CADPS: variants seen among roughly 807,000 people sequenced by gnomAD.
CADPS encodes calcium dependent secretion activator.
In CADPS, 57 loss-of-function variants were observed where a neutral mutation model predicts 167.3. The observed-to-expected ratio is 0.34, with a 90% CI of 0.28 to 0.42. CADPS has a LOEUF of 0.42. Ranked by LOEUF, CADPS falls within the 20% of genes least tolerant of loss-of-function variation. The pLI, the probability that CADPS is intolerant of heterozygous loss-of-function variation, is 1.00. For synonymous variants in CADPS, 676 were observed against 635.3 expected (o/e 1.06, Z -0.96); for missense variants, 1,414 against 1,738.1 (o/e 0.81, Z 3.32).
intron 6 of CADPS, among the ~76,000 whole-genome samples, chr3:62,615,343 A>G (rs2062093042): frequency 6.6e-6 from 1 of 152,162 alleles, no homozygotes; most frequent in Non-Finnish European, 1.5e-5. Flanking sequence ...AAGGGTTACT[A>G]CAAGAGTGAC....
At chr3:62,870,220 TG>T (rs1264282712) in intron 1 of CADPS, among the ~76,000 whole-genome samples, 1 of 152,126 alleles carries the variant, frequency 6.6e-6, no homozygotes, top group African/African-American at 2.4e-5. Flanking sequence ...AAAGAAAAAT[TG>T]GTTTAATCGT....
chr3:62,818,160 G>A (rs745362232), intron 1 of CADPS, among the ~76,000 whole-genome samples: 2 of 152,036 alleles, frequency 1.3e-5, no homozygotes, highest in Non-Finnish European at 2.9e-5. Flanking sequence ...TCTTTGGATG[G>A]GGAAATTTCA....
chr3:62,537,507 A>T (rs1408494302), intron 11 of CADPS, among the ~76,000 whole-genome samples: 2 of 152,012 alleles, frequency 1.3e-5, no homozygotes, highest in Admixed American at 1.3e-4. Context: ...AAATTGGCTC[A>T]CTCCACCTCA....
intron 1 of CADPS, among the ~76,000 whole-genome samples, chr3:62,842,339 A>C (rs751345872): frequency 6.6e-5 from 10 of 152,250 alleles, no homozygotes; most frequent in Non-Finnish European, 1.2e-4. Flanking sequence ...CATAGATGAT[A>C]AATGGTAGGG....
At chr3:62,494,456 G>A (rs2064288363) in intron 18 of CADPS, among the ~76,000 whole-genome samples, 1 of 152,124 alleles carries the variant, frequency 6.6e-6, no homozygotes, top group Non-Finnish European at 1.5e-5. Context: ...TACACTAAAT[G>A]TTGGCTAGTA....
chr3:62,544,833 T>C lies in CADPS; in HGVS notation c.1966+5070A>G. On this transcript the variant is annotated intron_variant, in intron 11 of 29. Transcript: ENST00000383710. The surrounding 1 kb of genome is among the most constrained non-coding windows in gnomAD (Gnocchi z 4.4). Reference sequence around the variant, plus strand: ...CTGATTATCTGAGCTGTGCTAGCTATAGGGGAGCACTTACCCTTCAGTCCA... The same window carrying C: ...CTGATTATCTGAGCTGTGCTAGCTACAGGGGAGCACTTACCCTTCAGTCCA... The C allele has an allele frequency of 8.1e-7, 1 of 1,234,578 alleles. No homozygotes were observed. The highest frequency in any genetic ancestry group is 6.3e-5 in the East Asian group (1 of 15,892). 76.5% of individuals were successfully genotyped at this position (1,234,578 alleles called of 1,614,324 possible).
chr3:62,590,398 C>T (rs1034511909), intron 7 of CADPS, among the ~76,000 whole-genome samples: 6 of 152,274 alleles, frequency 3.9e-5, no homozygotes, highest in South Asian at 4.1e-4. Flanking sequence ...AATTCTTCCA[C>T]TCTATGTGTG....
intron 27 of CADPS, among the ~76,000 whole-genome samples, chr3:62,445,326 A>C (rs2057021035): frequency 6.6e-6 from 1 of 152,186 alleles, no homozygotes; most frequent in Admixed American, 6.5e-5. Flanking sequence ...CAAAGAAATT[A>C]TGTTTTCCAC....
At chr3:62,626,048 C>T (rs1203952095) in intron 6 of CADPS, 1 of 151,244 alleles carries the variant, frequency 6.6e-6, no homozygotes, top group Non-Finnish European at 1.5e-5. Context: ...TCCTGGGAAC[C>T]TTGTCAATAA....
chr3:62,659,277 T>C (rs1220328059), intron 4 of CADPS, among the ~76,000 whole-genome samples: 1 of 152,080 alleles, frequency 6.6e-6, no homozygotes, highest in Non-Finnish European at 1.5e-5. Flanking sequence ...TAAGCAGAGG[T>C]GATTTGTCTT....
chr3:62,650,362 G>A (rs1246480497), intron 5 of CADPS, among the ~76,000 whole-genome samples: 1 of 152,110 alleles, frequency 6.6e-6, no homozygotes, highest in African/African-American at 2.4e-5. Context: ...GACATGTTGA[G>A]CATTTTGCCA....
chr3:62,858,993 T>C (rs1390586514), intron 1 of CADPS, among the ~76,000 whole-genome samples: 1 of 152,180 alleles, frequency 6.6e-6, no homozygotes, highest in Non-Finnish European at 1.5e-5. Flanking sequence ...TATTGAGTAG[T>C]AGATTGTGCT....
intron 1 of CADPS, among the ~76,000 whole-genome samples, chr3:62,798,691 C>T (rs1559675520): frequency 6.6e-6 from 1 of 152,064 alleles, no homozygotes; most frequent in Admixed American, 6.6e-5. Flanking sequence ...CCCTGTGAAG[C>T]TTCCCTCAAT....
At chr3:62,721,974 C>T (rs1459541664) in intron 3 of CADPS, among the ~76,000 whole-genome samples, 1 of 152,220 alleles carries the variant, frequency 6.6e-6, no homozygotes, top group African/African-American at 2.4e-5. Flanking sequence ...TAATAGAAAG[C>T]ACGCAACAAA....
At chr3:62,571,347 T>G (rs1035527500) in intron 8 of CADPS, among the ~76,000 whole-genome samples, 1 of 152,196 alleles carries the variant, frequency 6.6e-6, no homozygotes, top group Non-Finnish European at 1.5e-5. Context: ...TGTTTTCTTT[T>G]GCTGTATTGC....
intron 1 of CADPS, among the ~76,000 whole-genome samples, chr3:62,773,546 T>TAATTCAATTAATAATACTTA (rs2089479015): frequency 6.6e-6 from 1 of 152,176 alleles, no homozygotes; most frequent in South Asian, 2.1e-4. Context: ...ACTACTCAAA[T>TAATTCAATTAATAATACTTA]AATAATTCAA....
chr3:62,460,346 A>T (rs2059185970), intron 26 of CADPS, among the ~76,000 whole-genome samples: 1 of 152,210 alleles, frequency 6.6e-6, no homozygotes, highest in South Asian at 2.1e-4. Flanking sequence ...AATTGACTTA[A>T]AAATTACATG....
At chr3:62,839,037 T>G (rs960421662) in intron 1 of CADPS, among the ~76,000 whole-genome samples, 7 of 152,176 alleles carry the variant, frequency 4.6e-5, no homozygotes, top group African/African-American at 1.7e-4. Context: ...CACAGATAAT[T>G]ATAATTAACT....
At chr3:62,818,044 G>C (rs2094709980) in intron 1 of CADPS, among the ~76,000 whole-genome samples, 1 of 152,102 alleles carries the variant, frequency 6.6e-6, no homozygotes, top group Non-Finnish European at 1.5e-5. Context: ...TCTAGCTTTA[G>C]GTTGATGTTA....
Sources: gnomAD v4.1 joint callset for allele counts (sites outside exome capture counted in the v4.1 genomes callset) on GRCh38, gnomAD v4.1.1 for gene constraint, Gnocchi (gnomAD v3.1) non-coding constraint, MANE v1.5 for transcripts, NCBI Gene and HGNC (gene_info 2026-07-23, HGNC 2026-07-21) for gene names.